Variants in AP5M1 observed in about 807,000 individuals in gnomAD.
AP5M1 encodes AP-5 complex subunit mu-1.
AP5M1 carries 44 observed loss-of-function variants against 52.3 expected under a neutral mutation model. The observed-to-expected ratio is 0.84, with a 90% CI of 0.66 to 1.08. The LOEUF (loss-of-function observed/expected upper bound fraction) is 1.08, where lower values mean the gene tolerates loss of function less well. AP5M1 is among the 50% of genes least tolerant of loss of function. The pLI is 0.00. For missense variants in AP5M1, 526 were observed against 568.4 expected (o/e 0.93, Z 0.76); for synonymous variants, 213 against 199.0 (o/e 1.07, Z -0.59).
intron 7 of AP5M1, 90 bp from the exon 8 acceptor site, chr14:57,288,712 T>C (rs964913747): frequency 2.7e-6 from 2 of 745,428 alleles, no homozygotes; most frequent in Admixed American, 2.3e-5. Context: ...TTGAAATAAC[T>C]GCATTCCACA....
chr14:57,286,934 C>T (rs1036273604), intron 7 of AP5M1, among the ~76,000 whole-genome samples: 26 of 151,528 alleles, frequency 1.7e-4, no homozygotes, highest in African/African-American at 6.3e-4. Flanking sequence ...AAAGACGTTT[C>T]CTGATTTTAG....
chr14:57,291,439 C>T lies in AP5M1; in HGVS notation c.*2555C>T, dbSNP rs545117914. 1.3e-4 allele frequency: 19 copies of T among 151,794 alleles called. No homozygotes were observed. The highest frequency in any genetic ancestry group is 2.6e-4 in the Admixed American group (4 of 15,200). 9.4% of individuals were successfully genotyped at this position (151,794 alleles called of 1,614,324 possible). On this transcript the variant is annotated 3_prime_UTR_variant, in exon 8 of 8. Transcript: ENST00000261558. ...AAAAGATCGTTCATGATTTTGTAAA[C>T]GCTTCTTTTCTCCATTTTTTACTAA...
intron 6 of AP5M1, among the ~76,000 whole-genome samples, chr14:57,284,788 A>G (rs778413488): frequency 6.6e-6 from 1 of 152,212 alleles, no homozygotes. Flanking sequence ...TCCAGGACCT[A>G]ACACATAAAT....
At chr14:57,281,787 A>G (rs1885180202) in intron 3 of AP5M1, among the ~76,000 whole-genome samples, 1 of 152,260 alleles carries the variant, frequency 6.6e-6, no homozygotes, top group South Asian at 2.1e-4. Flanking sequence ...GCAGGTTGGC[A>G]GTAATCAGTA....
At chr14:57,274,158 C>T (rs2139685272) in intron 1 of AP5M1, 86 bp from the exon 2 acceptor site, 1 of 1,398,968 alleles carries the variant, frequency 7.1e-7, no homozygotes, top group South Asian at 1.5e-5. Flanking sequence ...TACTGTTTGC[C>T]TTATATTTGA....
intron 7 of AP5M1, among the ~76,000 whole-genome samples, 159 bp from the exon 8 acceptor site, chr14:57,288,643 A>G (rs1164353051): frequency 6.6e-6 from 1 of 152,076 alleles, no homozygotes; most frequent in Non-Finnish European, 1.5e-5. Flanking sequence ...GTAAAATGGT[A>G]AAAGTTATAA....
chr14:57,281,939 T>C (rs966963546), intron 3 of AP5M1, 150 bp from the exon 4 acceptor site: 4 of 620,544 alleles, frequency 6.4e-6, no homozygotes, highest in African/African-American at 5.9e-5. Flanking sequence ...AGAATCCCTA[T>C]CCTTAAGATG....
intron 1 of AP5M1, among the ~76,000 whole-genome samples, chr14:57,273,173 C>T (rs1354399960): frequency 2.6e-5 from 4 of 152,182 alleles, no homozygotes; most frequent in South Asian, 2.1e-4. Flanking sequence ...CTCCTGCCCT[C>T]AAGTGATCTG....
intron 2 of AP5M1, among the ~76,000 whole-genome samples, chr14:57,276,317 T>G: frequency 6.6e-6 from 1 of 152,348 alleles, no homozygotes; most frequent in South Asian, 2.1e-4. Context: ...GGCTCACTCC[T>G]GTAATCCCAG....
rs968325196 is a variant in AP5M1, at chr14:57,295,949, T to C, written c.*7065T>C. On this transcript the variant is annotated 3_prime_UTR_variant, in exon 8 of 8. Coordinates refer to ENST00000261558, the MANE Select transcript of AP5M1 (RefSeq NM_018229.4). ...GATTATTGTGATAACTTTTGAGAGC[T>C]ACAGTTATTTTGAACTACCTCGTAA... The C allele has an allele frequency of 6.6e-6, 1 of 152,016 alleles. No individual in the cohort carries two copies. Among genetic ancestry groups the C allele is most frequent in the Non-Finnish European group, 1.5e-5 (1 of 67,938 alleles). 9.4% of individuals were successfully genotyped at this position (152,016 alleles called of 1,614,324 possible). A position where few individuals can be genotyped will look rare whatever the true frequency, so the allele number is the denominator to read the frequency against.
chr14:57,283,112 G>C lies in AP5M1; in HGVS notation c.1175G>C (p.Gly392Ala). The C allele has an allele frequency of 6.2e-7, 1 of 1,610,126 alleles. No individual in the cohort carries two copies. Among genetic ancestry groups the C allele is most frequent in the Non-Finnish European group, 8.5e-7 (1 of 1,178,058 alleles). The change falls in exon 6 of 8, where the codon GGC (glycine) becomes GCC (alanine). Residue 392 changes from glycine to alanine, a missense_variant and splice_region_variant. By Grantham distance (60) the Gly-to-Ala change is moderately conservative. Coordinates refer to ENST00000261558, the MANE Select transcript of AP5M1 (RefSeq NM_018229.4). ...REKSLLIWII[G>A]QKFPKSMEIS... ...GTTTATTGGTATATTTGTGTTTTAG[G>C]CCAGAAGTTCCCAAAATCAATGGAA...
chr14:57,287,706 AT>A (rs1885341599), intron 7 of AP5M1, among the ~76,000 whole-genome samples: 1 of 152,098 alleles, frequency 6.6e-6, no homozygotes, highest in East Asian at 1.9e-4. Flanking sequence ...TTGTGCAATT[AT>A]GTAAAACTTT....
chr14:57,272,777 C>T (rs1326445873), intron 1 of AP5M1, among the ~76,000 whole-genome samples: 2 of 152,150 alleles, frequency 1.3e-5, no homozygotes, highest in Admixed American at 6.5e-5. Context: ...ACCTGCTATG[C>T]CATGCCATTA....
At chr14:57,278,800 G>A (rs1453795492) in intron 2 of AP5M1, among the ~76,000 whole-genome samples, 7 of 152,150 alleles carry the variant, frequency 4.6e-5, no homozygotes, top group Admixed American at 6.5e-5. Context: ...ATATGACTAC[G>A]TGTAAGTTGC....
chr14:57,282,943 T>C lies in AP5M1; in HGVS notation c.1098T>C (p.Ile366=), dbSNP rs1191371697. Residue 366 remains isoleucine (I), a synonymous_variant, in exon 5 of 8, where the codon ATT becomes ATC. Transcript: ENST00000261558. ...CCTTTTCTTTTTAAAGAGGTCCAAT[T>C]ACACATTTGGAATACAAAACTAGTT... is the stretch of plus-strand genomic sequence containing the variant. ...AHIPFYNRGP[I]THLEYKTSFG... is the part of the protein sequence containing the mutation. The C allele has an allele frequency of 6.3e-7, 1 of 1,585,844 alleles. No individual in the cohort carries two copies. Among genetic ancestry groups the C allele is most frequent in the Non-Finnish European group, 8.6e-7 (1 of 1,163,592 alleles).
chr14:57,277,134 C>CTT (rs56736203), intron 2 of AP5M1, among the ~76,000 whole-genome samples: 1 of 140,280 alleles, frequency 7.1e-6, no homozygotes. Flanking sequence ...TCTTAGGTGC[C>CTT]TTTTTTTTTT....
At chr14:57,269,768 C>A (rs536947450) in intron 1 of AP5M1, among the ~76,000 whole-genome samples, 28 of 152,168 alleles carry the variant, frequency 1.8e-4, no homozygotes, top group Non-Finnish European at 3.4e-4. Flanking sequence ...TTAACTTATT[C>A]TACTGAAAAA....
At chr14:57,284,428 T>C (rs1389497738) in intron 6 of AP5M1, among the ~76,000 whole-genome samples, 1 of 152,156 alleles carries the variant, frequency 6.6e-6, no homozygotes, top group African/African-American at 2.4e-5. Context: ...TTTATGAATG[T>C]TAATCTGGAA....
chr14:57,280,393 T>A lies in AP5M1; in HGVS notation c.919T>A (p.Ser307Thr). 1 of 1,613,128 alleles carries A rather than the reference T, an allele frequency of 6.2e-7. No homozygotes were observed. The highest frequency in any genetic ancestry group is 8.5e-7 in the Non-Finnish European group (1 of 1,179,090). Residue 307 changes from serine to threonine, a missense_variant, in exon 3 of 8, where the codon TCA (serine) becomes ACA (threonine). Ser to Thr is a moderately conservative substitution (Grantham distance 58, BLOSUM62 1). Around this residue, in one of 3 missense-constraint regions of AP5M1, gnomAD observed 425 missense variants for 430.6 expected, o/e 0.99. Coordinates refer to ENST00000261558, the MANE Select transcript of AP5M1 (RefSeq NM_018229.4). ...YKFPFTPPLESFNLCFYTSQV... is the reference protein window; with the variant it reads ...YKFPFTPPLETFNLCFYTSQV... The stretch of plus-strand genomic sequence containing the variant: ...ATTTCCATTCACTCCACCTTTAGAG[T>A]CATTCAACTTATGCTTCTACACTTC...
Sources: allele counts gnomAD v4.1 joint callset (sites outside exome capture counted in the v4.1 genomes callset), GRCh38; gene constraint gnomAD v4.1.1; regional missense constraint gnomAD v4.1.1; transcripts MANE v1.5; gene names NCBI Gene and HGNC (gene_info 2026-07-23, HGNC 2026-07-21).